Variants in FBXL2 observed in about 807,000 individuals in gnomAD.
The protein encoded by FBXL2 is F-box/LRR-repeat protein 2.
In FBXL2, 38 loss-of-function variants were observed where a neutral mutation model predicts 69.2. That is an observed-to-expected ratio of 0.55 (90% CI 0.42 to 0.72). The LOEUF (loss-of-function observed/expected upper bound fraction) is 0.72. Among genes scored for constraint, FBXL2 ranks in the 30% least tolerant of loss-of-function variants. The pLI is 0.00. For missense variants in FBXL2, 354 were observed against 520.3 expected, an observed-to-expected ratio of 0.68 and a Z score of 3.11; for synonymous variants, 192 against 201.3, an observed-to-expected ratio of 0.95 and a Z score of 0.39.
At chr3:33,419,651 GA>G in the FBXL2 span, among the ~76,000 whole-genome samples, 2 of 147,272 alleles carry the variant, frequency 1.4e-5, no homozygotes, top group African/African-American at 2.5e-5. Flanking sequence ...AAAACCAGAA[GA>G]AAAGAAAAGA....
chr3:33,382,383 C>A (rs981976304), intron 13 of FBXL2, among the ~76,000 whole-genome samples: 1 of 152,218 alleles, frequency 6.6e-6, no homozygotes, highest in Non-Finnish European at 1.5e-5. Flanking sequence ...AAGGCCCTTT[C>A]TGCTCCCTTT....
intron 2 of FBXL2, among the ~76,000 whole-genome samples, chr3:33,312,064 A>G (rs960762407): frequency 6.6e-6 from 1 of 151,484 alleles, no homozygotes; most frequent in African/African-American, 2.4e-5. Context: ...TTCTTTTTTT[A>G]TTTTTATTTT....
At chr3:33,277,549 C>T (rs960297490) in intron 1 of FBXL2, 34 bp downstream of exon 1, 1 of 1,271,404 alleles carries the variant, frequency 7.9e-7, no homozygotes, top group Non-Finnish European at 1.0e-6. Context: ...CTAGCTGCCC[C>T]GCCCTACCCC....
At chr3:33,397,152 A>T in intron 12 of FBXL2, 1 of 1,554,790 alleles carries the variant, frequency 6.4e-7, no homozygotes, top group Non-Finnish European at 8.7e-7. Context: ...AAGAGCAAAA[A>T]TATTTTTCTC....
chr3:33,308,041 TTTTG>T (rs10665378), intron 2 of FBXL2, among the ~76,000 whole-genome samples: 5 of 152,114 alleles, frequency 3.3e-5, no homozygotes, highest in South Asian at 4.2e-4. Context: ...TTGTTGTTAT[TTTTG>T]TTTGTTTGTT....
At chr3:33,354,507 C>T (rs540628119) in intron 2 of FBXL2, among the ~76,000 whole-genome samples, 6 of 149,836 alleles carry the variant, frequency 4.0e-5, no homozygotes, top group South Asian at 4.2e-4. Context: ...AGTGAGACTC[C>T]ATCTGGAAAA....
At chr3:33,365,784 G>A (rs1423056172) in intron 5 of FBXL2, among the ~76,000 whole-genome samples, 1 of 152,118 alleles carries the variant, frequency 6.6e-6, no homozygotes, top group Non-Finnish European at 1.5e-5. Flanking sequence ...GAGGATTTCT[G>A]GAGACAGAGA....
chr3:33,296,068 G>A (rs940719223), intron 1 of FBXL2, among the ~76,000 whole-genome samples: 5 of 151,918 alleles, frequency 3.3e-5, no homozygotes, highest in African/African-American at 4.8e-5. Flanking sequence ...TCTTTTGTTT[G>A]TTTGTTTGTG....
chr3:33,305,904 T>G (rs1377006062), intron 2 of FBXL2, among the ~76,000 whole-genome samples: 1 of 152,020 alleles, frequency 6.6e-6, no homozygotes, highest in Non-Finnish European at 1.5e-5. Flanking sequence ...CTTAATATCG[T>G]TAGTTTATGC....
downstream of FBXL2, among the ~76,000 whole-genome samples, chr3:33,406,602 C>T (rs140495447): frequency 1.4e-4 from 21 of 152,300 alleles, no homozygotes; most frequent in African/African-American, 5.1e-4. Context: ...TGTAGAAACA[C>T]CAAGTTTACC....
chr3:33,379,741 G>C (rs1470580057), intron 13 of FBXL2, among the ~76,000 whole-genome samples: 1 of 149,664 alleles, frequency 6.7e-6, no homozygotes, highest in Admixed American at 6.6e-5. Flanking sequence ...AAACATAGAA[G>C]CAAGTATCTG....
At chr3:33,378,181 C>T in intron 12 of FBXL2, 34 bp downstream of exon 12, 1 of 1,607,016 alleles carries the variant, frequency 6.2e-7, no homozygotes, top group Non-Finnish European at 8.5e-7. Flanking sequence ...GCAGGGCAGC[C>T]TGCTCCTTAG....
intron 1 of FBXL2, among the ~76,000 whole-genome samples, chr3:33,279,199 A>G (rs776211044): frequency 6.6e-6 from 1 of 152,146 alleles, no homozygotes; most frequent in Non-Finnish European, 1.5e-5. Flanking sequence ...GCTTCCATGG[A>G]AGTGGGGAAT....
exon 13 of FBXL2, chr3:33,403,560 G>GTCTATCTATCTATCTATCTA (rs1197016609): frequency 1.4e-5 from 2 of 139,924 alleles, no homozygotes; most frequent in South Asian, 2.3e-4. Context: ...CTGTCTGTCT[G>GTCTATCTATCTATCTATCTA]TCTGTCTGTC....
intron 2 of FBXL2, among the ~76,000 whole-genome samples, chr3:33,309,158 G>T (rs2036968431): frequency 6.6e-6 from 1 of 152,120 alleles, no homozygotes; most frequent in Non-Finnish European, 1.5e-5. Context: ...ATGTGCCATT[G>T]CTGAAAGTGG....
At chr3:33,373,771 C>T in intron 8 of FBXL2, 67 bp downstream of exon 8, 1 of 1,613,840 alleles carries the variant, frequency 6.2e-7, no homozygotes, top group Non-Finnish European at 8.5e-7. Flanking sequence ...CAGAAAGCTG[C>T]TTTTGCATTT....
chr3:33,315,791 C>T (rs1313158050), intron 2 of FBXL2, among the ~76,000 whole-genome samples: 1 of 151,830 alleles, frequency 6.6e-6, no homozygotes, highest in Non-Finnish European at 1.5e-5. Context: ...GTGGACATAT[C>T]TTTCTGGTAT....
chr3:33,345,191 A>G (rs1206632363), intron 2 of FBXL2, among the ~76,000 whole-genome samples: 2 of 152,222 alleles, frequency 1.3e-5, no homozygotes, highest in African/African-American at 2.4e-5. Flanking sequence ...CCCCCTCTGA[A>G]GGCTCTAGGG....
intron 2 of FBXL2, among the ~76,000 whole-genome samples, chr3:33,341,371 G>A (rs2040002481): frequency 6.6e-6 from 1 of 152,170 alleles, no homozygotes; most frequent in Non-Finnish European, 1.5e-5. Context: ...GATGGAAGGA[G>A]GGTGCCTGCA....
Sources: gnomAD v4.1 joint callset for allele counts (sites outside exome capture counted in the v4.1 genomes callset) on GRCh38, gnomAD v4.1.1 for gene constraint, MANE v1.5 for transcripts, NCBI Gene and HGNC (gene_info 2026-07-23, HGNC 2026-07-21) for gene names.